Variants in STIM2 observed in about 807,000 individuals in gnomAD.
The protein encoded by STIM2 is stromal interaction molecule 2.
A neutral mutation model predicts 85.8 loss-of-function variants in STIM2; 31 were observed. The observed-to-expected ratio is 0.36, with a 90% CI of 0.27 to 0.49. STIM2 has a LOEUF of 0.49. STIM2 is among the 20% of genes least tolerant of loss of function. STIM2 has a pLI of 0.98. For synonymous variants in STIM2, 356 were observed against 331.1 expected (o/e 1.08, Z -0.82); for missense variants, 841 against 927.6 (o/e 0.91, Z 1.21).
chr4:26,944,620 A>G (rs1725743845), intron 2 of STIM2, among the ~76,000 whole-genome samples: 1 of 152,228 alleles, frequency 6.6e-6, no homozygotes, highest in African/African-American at 2.4e-5. Context: ...CAAGATACCA[A>G]GGAGCTCACA....
chr4:26,965,829 C>G (rs1052142247), intron 3 of STIM2, among the ~76,000 whole-genome samples: 7 of 152,040 alleles, frequency 4.6e-5, no homozygotes, highest in Admixed American at 1.3e-4. Context: ...AATAGAGACC[C>G]CCTCTCAGAA....
intron 7 of STIM2, among the ~76,000 whole-genome samples, chr4:27,005,332 C>CT (rs1039604377): frequency 6.6e-6 from 1 of 152,052 alleles, no homozygotes; most frequent in Non-Finnish European, 1.5e-5. Context: ...CTCAGGAAGC[C>CT]TTTAATCAGG....
chr4:26,928,527 T>C (rs2109072349), intron 2 of STIM2, among the ~76,000 whole-genome samples: 1 of 152,284 alleles, frequency 6.6e-6, no homozygotes, highest in African/African-American at 2.4e-5. Context: ...AGATATACTT[T>C]TTTAATTTTT....
chr4:26,897,254 TGAGA>T (rs533209528), intron 1 of STIM2, among the ~76,000 whole-genome samples: 11 of 152,200 alleles, frequency 7.2e-5, no homozygotes, highest in African/African-American at 2.7e-4. Context: ...CAGCAAAGTA[TGAGA>T]GAGAGAGTTT....
At chr4:26,958,811 A>T (rs914812201) in intron 3 of STIM2, among the ~76,000 whole-genome samples, 1 of 152,158 alleles carries the variant, frequency 6.6e-6, no homozygotes. Flanking sequence ...TCAGCAACAA[A>T]CTTATTTTAT....
intron 1 of STIM2, among the ~76,000 whole-genome samples, chr4:26,892,605 A>G (rs1461470575): frequency 1.3e-5 from 2 of 152,132 alleles, no homozygotes; most frequent in Non-Finnish European, 2.9e-5. Flanking sequence ...TGACATGCAT[A>G]TGTTTTACCA....
chr4:26,940,960 G>T (rs1028008884), intron 2 of STIM2, among the ~76,000 whole-genome samples: 3 of 152,108 alleles, frequency 2.0e-5, no homozygotes, highest in Admixed American at 2.0e-4. Context: ...GATACTGCTG[G>T]TCCAGGGACC....
intron 1 of STIM2, among the ~76,000 whole-genome samples, chr4:26,895,370 C>G (rs897338871): frequency 1.3e-5 from 2 of 152,008 alleles, no homozygotes; most frequent in African/African-American, 4.8e-5. Flanking sequence ...CTCTTTGATT[C>G]AAAACATAAA....
Position 26,861,117 on chromosome 4 carries a change from G to A in STIM2, c.-102G>A, listed in dbSNP as rs771865380. On this transcript the variant is annotated 5_prime_UTR_variant, in exon 1 of 12. Transcript: ENST00000467087. ...AGCCGGCGAGCTGCAGGCGGCCGGG[G>A]CGCCGCTGCGCTTTCACCCGGCTTC... is the stretch of plus-strand genomic sequence containing the variant. 5 of 1,210,178 alleles carry A rather than the reference G, an allele frequency of 4.1e-6. No homozygotes were observed. The highest frequency in any genetic ancestry group is 5.1e-6 in the Non-Finnish European group (5 of 974,832). The allele number at this position is 1,210,178 out of a possible 1,614,324, so 75.0% of individuals were successfully genotyped here.
chr4:26,968,437 G>A (rs760008721), intron 3 of STIM2, among the ~76,000 whole-genome samples: 3 of 152,126 alleles, frequency 2.0e-5, no homozygotes, highest in Non-Finnish European at 4.4e-5. Context: ...AAATATTGCG[G>A]GATTCTACTT....
At chr4:26,973,933 G>A (rs910349409) in intron 3 of STIM2, among the ~76,000 whole-genome samples, 4 of 152,206 alleles carry the variant, frequency 2.6e-5, no homozygotes, top group African/African-American at 9.7e-5. Flanking sequence ...TGTATTGGGT[G>A]CATATATATT....
At chr4:26,882,970 T>G (rs905622575) in intron 1 of STIM2, among the ~76,000 whole-genome samples, 3 of 151,472 alleles carry the variant, frequency 2.0e-5, no homozygotes, top group Non-Finnish European at 4.4e-5. Flanking sequence ...CCCGAGTAGC[T>G]GGGACTACAG....
intron 3 of STIM2, among the ~76,000 whole-genome samples, chr4:26,977,070 G>A (rs1289774932): frequency 2.0e-5 from 3 of 152,208 alleles, no homozygotes; most frequent in Non-Finnish European, 2.9e-5. Flanking sequence ...AGATAATGTG[G>A]TCAAGGAAGA....
intron 1 of STIM2, among the ~76,000 whole-genome samples, chr4:26,891,558 T>TACACACAC (rs71643700): frequency 1.5e-4 from 21 of 144,540 alleles, no homozygotes; most frequent in Admixed American, 4.9e-4. Flanking sequence ...TATACATACA[T>TACACACAC]ACACACACAC....
chr4:26,884,587 T>C (rs1723140199), intron 1 of STIM2, among the ~76,000 whole-genome samples: 1 of 152,224 alleles, frequency 6.6e-6, no homozygotes, highest in East Asian at 1.9e-4. Flanking sequence ...ATTGTGTCGT[T>C]GTATAGGCAG....
intron 1 of STIM2, among the ~76,000 whole-genome samples, chr4:26,889,488 G>A (rs1723382671): frequency 1.3e-5 from 2 of 152,202 alleles, no homozygotes; most frequent in Non-Finnish European, 2.9e-5. Flanking sequence ...TTGCATGCAG[G>A]GAAGAGAAAT....
At chr4:27,002,866 T>G in intron 6 of STIM2, 61 bp from the exon 7 acceptor site, 1 of 1,276,208 alleles carries the variant, frequency 7.8e-7, no homozygotes, top group Non-Finnish European at 1.0e-6. Context: ...TTCATTATTT[T>G]GTAAAAAAAA....
chr4:26,891,079 T>TAATAGCTTTATAGTTCAGTTTGTGTG (rs1177217304), intron 1 of STIM2, among the ~76,000 whole-genome samples: 1 of 152,232 alleles, frequency 6.6e-6, no homozygotes, highest in Non-Finnish European at 1.5e-5. Flanking sequence ...CATTCAGAAC[T>TAATAGCTTTATAGTTCAGTTTGTGTG]AATAGCTTTA....
intron 1 of STIM2, among the ~76,000 whole-genome samples, chr4:26,889,097 G>A (rs112192197): frequency 7.2e-5 from 11 of 152,212 alleles, no homozygotes; most frequent in African/African-American, 2.2e-4. Context: ...CAAAAATTTC[G>A]CTAGTGAAAC....
Sources: gnomAD v4.1 joint callset for allele counts (sites outside exome capture counted in the v4.1 genomes callset) on GRCh38, gnomAD v4.1.1 for gene constraint, MANE v1.5 for transcripts, NCBI Gene and HGNC (gene_info 2026-07-23, HGNC 2026-07-21) for gene names.